Variants in ABHD4 observed in about 807,000 individuals in gnomAD.
ABHD4 encodes the protein (Lyso)-N-acylphosphatidylethanolamine lipase.
ABHD4 carries 35 observed loss-of-function variants against 42.3 expected under a neutral mutation model. The ratio of observed to expected loss-of-function variants is 0.83; its 90% confidence interval spans 0.63 to 1.10. ABHD4 has a LOEUF of 1.10. Ranked by LOEUF, ABHD4 falls within the 50% of genes least tolerant of loss-of-function variation. The pLI is 0.00. For synonymous variants in ABHD4, 169 were observed against 170.6 expected (o/e 0.99, Z 0.07); for missense variants, 389 against 454.8 (o/e 0.86, Z 1.32).
chr14:22,604,168 A>C, intron 4 of ABHD4, 89 bp downstream of exon 4: 1 of 1,464,528 alleles, frequency 6.8e-7, no homozygotes, highest in Non-Finnish European at 9.4e-7. Flanking sequence ...AAAAAGTGGA[A>C]ATTGGCCTAG....
chr14:22,609,288 G>A (rs544158902), intron 5 of ABHD4, among the ~76,000 whole-genome samples: 85 of 71,674 alleles, frequency 1.2e-3, no homozygotes, highest in African/African-American at 3.0e-3. Context: ...GTGAGCCACC[G>A]TGCCCAGCCC....
chr14:22,598,670 C>T (rs1254999170), intron 1 of ABHD4: 2 of 461,910 alleles, frequency 4.3e-6, no homozygotes, highest in Non-Finnish European at 7.9e-6. Flanking sequence ...GACGCGGGTG[C>T]GGAGGTAGCA....
chr14:22,600,468 A>C lies in ABHD4; in HGVS notation c.24-1199A>C, dbSNP rs1439720440. Among the ~76,000 whole-genome samples the C allele has an allele frequency of 2.0e-5, 3 of 152,188 alleles. No individual in the cohort carries two copies. The East Asian group carries it at 5.8e-4, about 29-fold the overall frequency. On this transcript the variant is annotated intron_variant, in intron 1 of 6. Transcript: ENST00000428304. ...GCTAGACTAGTTGATTCCTAAGGAA[A>C]CATCCTAATTTAAAATTCTGTGCTT...
intron 4 of ABHD4, among the ~76,000 whole-genome samples, chr14:22,605,579 C>A (rs1410935614): frequency 6.6e-6 from 1 of 152,164 alleles, no homozygotes; most frequent in African/African-American, 2.4e-5. Flanking sequence ...AGTCTATAGT[C>A]CTTTGCCAAA....
intron 5 of ABHD4, 186 bp from the exon 6 acceptor site, chr14:22,609,538 C>T (rs1304116125): frequency 1.9e-5 from 11 of 573,798 alleles, no homozygotes; most frequent in South Asian, 1.2e-4. Context: ...AGTGTTCCTC[C>T]GAACTCTTCT....
At chr14:22,602,815 A>T (rs1260107249) in intron 2 of ABHD4, among the ~76,000 whole-genome samples, 2 of 152,194 alleles carry the variant, frequency 1.3e-5, no homozygotes, top group Non-Finnish European at 2.9e-5. Context: ...ATTCTGACAG[A>T]TTAAATCGGT....
At chr14:22,610,766 G>A in intron 6 of ABHD4, 93 bp from the exon 7 acceptor site, 1 of 992,560 alleles carries the variant, frequency 1.0e-6, no homozygotes, top group African/African-American at 1.6e-5. Context: ...TGGGTGGCAG[G>A]CAAGCAAGTC....
At chr14:22,609,616 G>A (rs950270420) in intron 5 of ABHD4, 108 bp from the exon 6 acceptor site, 15 of 1,241,730 alleles carry the variant, frequency 1.2e-5, no homozygotes, top group East Asian at 2.4e-5. Flanking sequence ...CCCAGTGTGG[G>A]GCTTTGACAG....
At chr14:22,600,278 T>C in intron 1 of ABHD4, 1 of 443,924 alleles carries the variant, frequency 2.3e-6, no homozygotes, top group Non-Finnish European at 4.6e-6. Flanking sequence ...AATGTAAAAA[T>C]GTGGTTATGT....
At position 22,610,846 on chromosome 14, in the gene ABHD4, T is replaced by C. The variant is rs371980905; in HGVS notation, c.940-13T>C. 2.5e-5 allele frequency: 41 copies of C among 1,609,182 alleles called. No homozygotes were observed. The highest frequency in any genetic ancestry group is 1.7e-4 in the Middle Eastern group (1 of 5,858). The stretch of plus-strand genomic sequence containing the variant: ...AAAAGGCCATCCCACCCCTGCGGGT[T>C]CTCTCTCCACAGGAGATTAAGGGTG... On this transcript the variant is annotated splice_polypyrimidine_tract_variant and intron_variant, in intron 6 of 6. Coordinates refer to ENST00000428304, the MANE Select transcript of ABHD4 (RefSeq NM_022060.3).
intron 5 of ABHD4, among the ~76,000 whole-genome samples, chr14:22,607,268 T>C (rs1260902726): frequency 5.3e-5 from 8 of 152,136 alleles, no homozygotes; most frequent in Non-Finnish European, 8.8e-5. Context: ...TACCTGCAGT[T>C]TGGGCACCGT....
intron 5 of ABHD4, among the ~76,000 whole-genome samples, chr14:22,608,059 A>C (rs2037368612): frequency 6.6e-6 from 1 of 152,234 alleles, no homozygotes; most frequent in Admixed American, 6.5e-5. Flanking sequence ...GTCCTAGTGA[A>C]GTAGGTATAA....
At chr14:22,599,451 C>G (rs2037257525) in intron 1 of ABHD4, among the ~76,000 whole-genome samples, 1 of 152,192 alleles carries the variant, frequency 6.6e-6, no homozygotes, top group Non-Finnish European at 1.5e-5. Context: ...CAGAGACCGT[C>G]CTAGCCAGGT....
intron 6 of ABHD4, among the ~76,000 whole-genome samples, 165 bp from the exon 7 acceptor site, chr14:22,610,694 G>C (rs2037404487): frequency 6.6e-6 from 1 of 152,216 alleles, no homozygotes; most frequent in African/African-American, 2.4e-5. Context: ...AGCATTGGCT[G>C]TCAAAGGAAA....
rs138059839 is a variant in ABHD4, at chr14:22,610,934, G to A, written c.1015G>A (p.Asp339Asn). ...CAATGCTGTGGTGGAGGAGATCTGC[G>A]ACTCAGTTGATTGAGCTGCTCTCTG... ...IFNAVVEEIC[D>N]SVD is the part of the protein sequence containing the mutation. The change falls in exon 7 of 7, where the codon GAC becomes AAC. Residue 339 changes from aspartate (D) to asparagine (N), a missense_variant. Asp to Asn is a conservative substitution (Grantham distance 23). Transcript: ENST00000428304. The A allele has an allele frequency of 5.0e-4, 810 of 1,614,004 alleles. 4 individuals are homozygous for A. The highest frequency in any genetic ancestry group is 1.5e-3 in the Middle Eastern group (9 of 6,062).
At chr14:22,602,049 C>T (rs957693819) in intron 2 of ABHD4, among the ~76,000 whole-genome samples, 41 of 152,136 alleles carry the variant, frequency 2.7e-4, no homozygotes, top group African/African-American at 9.2e-4. Context: ...TACATTCTCC[C>T]CTTCCTCCTT....
chr14:22,611,262 T>C lies in ABHD4; in HGVS notation c.*314T>C, dbSNP rs182925434. On this transcript the variant is annotated 3_prime_UTR_variant, in exon 7 of 7. Transcript: ENST00000428304. ...TGTGAAGGGATTGCACCAAGCCACA[T>C]TCACTCTCTCTGTGGCCTTTCTTCC... 1.3e-5 allele frequency: 4 copies of C among 312,602 alleles called. No individual in the cohort carries two copies. The highest frequency in any genetic ancestry group is 2.5e-5 in the Non-Finnish European group (4 of 162,300). 19.4% of individuals were successfully genotyped at this position (312,602 alleles called of 1,614,324 possible).
intron 5 of ABHD4, chr14:22,609,515 G>C: frequency 4.0e-6 from 2 of 501,378 alleles, no homozygotes; most frequent in Non-Finnish European, 6.8e-6. Flanking sequence ...GTACTGCCAT[G>C]GGGTTTTTCA....
In ABHD4 at chr14:22,611,015, C is replaced by G. The variant is rs1222457707; in HGVS notation, c.*67C>G. The stretch of plus-strand genomic sequence containing the variant: ...TCTTACCTCCCTGTCTGCTTACTCA[C>G]CCACTCTGTCCTTTCCTCACCAACT... On this transcript the variant is annotated 3_prime_UTR_variant, in exon 7 of 7. Transcript: ENST00000428304. 7.2e-7 allele frequency: 1 copy of G among 1,390,946 alleles called. No homozygotes were observed. The highest frequency in any genetic ancestry group is 1.0e-6 in the Non-Finnish European group (1 of 985,414). The allele number at this position is 1,390,946 out of a possible 1,614,324, so 86.2% of individuals were successfully genotyped here. A position where few individuals can be genotyped will look rare whatever the true frequency, so the allele number is the denominator to read the frequency against.
Sources: allele counts gnomAD v4.1 joint callset (sites outside exome capture counted in the v4.1 genomes callset), GRCh38; gene constraint gnomAD v4.1.1; transcripts MANE v1.5; gene names NCBI Gene and HGNC (gene_info 2026-07-23, HGNC 2026-07-21).